The following VTI1B variants were observed in gnomAD, a reference collection of about 807,000 sequenced individuals.
The protein encoded by VTI1B is vesicle transport through interaction with t-SNAREs 1B, also known as vesicle transport through interaction with t-SNAREs homolog 1B.
VTI1B carries 18 observed loss-of-function variants against 28.6 expected under a neutral mutation model. The ratio of observed to expected loss-of-function variants is 0.63; its 90% CI spans 0.43 to 0.93. The LOEUF (loss-of-function observed/expected upper bound fraction) is 0.93. Among genes scored for constraint, VTI1B ranks in the 40% least tolerant of loss-of-function variants. VTI1B has a pLI of 0.00. For synonymous variants in VTI1B, 100 were observed against 107.9 expected (o/e 0.93, Z 0.46); for missense variants, 283 against 297.0 (o/e 0.95, Z 0.35).
intron 1 of VTI1B, 75 bp downstream of exon 1, chr14:67,674,300 G>A: frequency 7.4e-7 from 1 of 1,360,334 alleles, no homozygotes; most frequent in Non-Finnish European, 9.8e-7. Context: ...CCGGGTCTGG[G>A]AGGAAGGTGG....
intron 1 of VTI1B, among the ~76,000 whole-genome samples, chr14:67,671,211 T>G (rs1243130636): frequency 1.3e-5 from 2 of 152,192 alleles, no homozygotes; most frequent in African/African-American, 4.8e-5. Context: ...ATTAAACAAC[T>G]ATGTCTGTTA....
chr14:67,665,105 G>A (rs537185910), intron 1 of VTI1B, among the ~76,000 whole-genome samples: 3 of 152,236 alleles, frequency 2.0e-5, no homozygotes, highest in African/African-American at 4.8e-5. Flanking sequence ...CACCCATCTC[G>A]GCCTCCCAAA....
rs375019945 is a variant in VTI1B, at chr14:67,669,703, A to G, written c.115+4672T>C. 3.5e-4 allele frequency among the ~76,000 whole-genome samples: 54 copies of G among 152,300 alleles called. 3 individuals carry two copies. Among genetic ancestry groups the G allele is most frequent in the East Asian group, 3.5e-3 (18 of 5,194 alleles). ...CTTCTCCTCTTATGTTTCTTACTTA[A>G]GTTCATCATTCACCCAGTTGACCAA... is the stretch of plus-strand genomic sequence containing the variant. On this transcript the variant is annotated intron_variant, in intron 1 of 5. Coordinates refer to ENST00000554659, the MANE Select transcript of VTI1B (RefSeq NM_006370.3).
intron 5 of VTI1B, among the ~76,000 whole-genome samples, chr14:67,652,788 T>C (rs1162740346): frequency 6.6e-6 from 1 of 152,204 alleles, no homozygotes; most frequent in Non-Finnish European, 1.5e-5. Flanking sequence ...ATCAAGATTT[T>C]ACAAATATAT....
In VTI1B at chr14:67,648,037, T is replaced by C; in HGVS notation, c.*3348A>G. ...TATTTTAAGTATTATTTTATCCTCT[T>C]CCTTTTTAGGAGACAAAGACCAATC... On this transcript the variant is annotated 3_prime_UTR_variant, in exon 6 of 6. Transcript: ENST00000554659. 6.2e-7 allele frequency: 1 copy of C among 1,601,078 alleles called. No individual in the cohort carries two copies. The highest frequency in any genetic ancestry group is 8.5e-7 in the Non-Finnish European group (1 of 1,172,702).
rs1420934040 is a variant in VTI1B, at chr14:67,653,321, G to T, written c.602+116C>A. 3.9e-6 allele frequency: 3 copies of T among 768,228 alleles called. No homozygotes were observed. In the East Asian group the frequency reaches 7.9e-5, roughly 20 times the overall value. The allele number at this position is 768,228 out of a possible 1,614,324, so 47.6% of individuals were successfully genotyped here. On this transcript the variant is annotated intron_variant, in intron 5 of 5. Transcript: ENST00000554659. ...CTGCTGGGTGGTACTGAGTATACAG[G>T]GACTATGCGTCAACTGCTGAGGTGC...
At position 67,672,076 on chromosome 14, in the gene VTI1B, G is replaced by C. The variant is rs1027384530; in HGVS notation, c.115+2299C>G. On this transcript the variant is annotated intron_variant, in intron 1 of 5. Transcript: ENST00000554659. ...TTGCATTATTTAGACTTATAGAAAT[G>C]GGCATTGCAAAAATTAATTCAGTGC... is the stretch of plus-strand genomic sequence containing the variant. Among the ~76,000 whole-genome samples the C allele has an allele frequency of 1.4e-4, 22 of 151,882 alleles. 1 individual carries two copies. Among genetic ancestry groups the C allele is most frequent in the Admixed American group, 1.3e-3 (20 of 15,254 alleles).
At chr14:67,657,751 C>CTTTT (rs548633018) in intron 3 of VTI1B, among the ~76,000 whole-genome samples, 8 of 115,106 alleles carry the variant, frequency 7.0e-5, no homozygotes, top group South Asian at 2.8e-4. Context: ...TTCTTTCTTT[C>CTTTT]TTTTTTTTTT....
intron 1 of VTI1B, chr14:67,662,996 A>G (rs959714059): frequency 2.1e-6 from 3 of 1,406,282 alleles, no homozygotes; most frequent in East Asian, 2.6e-5. Context: ...TAACTCGTAC[A>G]CTACTTTTCT....
rs2037138382 is a variant in VTI1B at position 67,649,074 on chromosome 14, AGTG to A, written c.*2308_*2310del. On this transcript the variant is annotated 3_prime_UTR_variant, in exon 6 of 6. Transcript: ENST00000554659. Reference sequence around the variant, plus strand: ...CAGATCTGCAATCTTAGATGTTGCCAGTGGTCCTTAGGTTATTGGCCAGAGAAC... The same window carrying A: ...CAGATCTGCAATCTTAGATGTTGCCAGTCCTTAGGTTATTGGCCAGAGAAC... 6.6e-6 allele frequency: 1 copy of A among 152,222 alleles called. No individual in the cohort carries two copies. The allele number at this position is 152,222 out of a possible 1,614,324, so 9.4% of individuals were successfully genotyped here.
intron 4 of VTI1B, among the ~76,000 whole-genome samples, chr14:67,655,248 G>A (rs2037240418): frequency 6.6e-6 from 1 of 151,608 alleles, no homozygotes; most frequent in African/African-American, 2.4e-5. Flanking sequence ...GATCACTTGA[G>A]CCCAGGAGTT....
intron 2 of VTI1B, among the ~76,000 whole-genome samples, chr14:67,660,816 A>G (rs1253544197): frequency 6.6e-6 from 1 of 152,240 alleles, no homozygotes; most frequent in Non-Finnish European, 1.5e-5. Context: ...CTGAGCATCA[A>G]ACAAATCAGT....
chr14:67,656,092 A>G (rs535347071), intron 4 of VTI1B, among the ~76,000 whole-genome samples: 1 of 152,178 alleles, frequency 6.6e-6, no homozygotes, highest in African/African-American at 2.4e-5. Flanking sequence ...CTAAAAATAC[A>G]AACATTAGCT....
intron 4 of VTI1B, 125 bp downstream of exon 4, chr14:67,656,291 G>T: frequency 1.3e-5 from 11 of 859,748 alleles, no homozygotes; most frequent in Non-Finnish European, 1.5e-5. Flanking sequence ...AAAAGCATAA[G>T]AACTTAAAAA....
At position 67,650,657 on chromosome 14, in the gene VTI1B, C is replaced by G; in HGVS notation, c.*728G>C. 3 of 1,493,258 alleles carry G rather than the reference C, an allele frequency of 2.0e-6. No homozygotes were observed. The highest frequency in any genetic ancestry group is 1.7e-5 in the Admixed American group (1 of 59,774). 92.5% of individuals were successfully genotyped at this position (1,493,258 alleles called of 1,614,324 possible). On this transcript the variant is annotated 3_prime_UTR_variant, in exon 6 of 6. Coordinates refer to ENST00000554659, the MANE Select transcript of VTI1B (RefSeq NM_006370.3). ...TGTTCTCCCTGTCCCAGTGGGATGACCCTCACTGAGAGTAGCAGCAAGGGA... is the reference window on the plus strand; with the variant it reads ...TGTTCTCCCTGTCCCAGTGGGATGAGCCTCACTGAGAGTAGCAGCAAGGGA...
chr14:67,670,732 T>C (rs1225795833), intron 1 of VTI1B, among the ~76,000 whole-genome samples: 2 of 152,200 alleles, frequency 1.3e-5, no homozygotes, highest in Admixed American at 1.3e-4. Context: ...TTTCACCATG[T>C]TGACCAGGAT....
At position 67,651,457 on chromosome 14, in the gene VTI1B, A is replaced by T; in HGVS notation, c.627T>A (p.Leu209=). The change falls in exon 6 of 6, where the codon CTT becomes CTA. Residue 209 remains leucine (L), a synonymous_variant. Transcript: ENST00000554659. The part of the protein sequence containing the change: ...SRKVTTNKLL[L]SIIILLELAI... ...CGAGCTCCAGTAAGATGATAATGGA[A>T]AGCAGCAGCTTGTTGGTTGTCACTC... 7 of 1,613,918 alleles carry T rather than the reference A, an allele frequency of 4.3e-6. No individual in the cohort carries two copies. The highest frequency in any genetic ancestry group is 5.9e-6 in the Non-Finnish European group (7 of 1,179,798).
At chr14:67,664,078 T>C (rs1376737262) in intron 1 of VTI1B, among the ~76,000 whole-genome samples, 1 of 152,204 alleles carries the variant, frequency 6.6e-6, no homozygotes, top group African/African-American at 2.4e-5. Flanking sequence ...GTTACCATCA[T>C]TTACAATGTT....
At chr14:67,663,547 G>A (rs751760762) in intron 1 of VTI1B, among the ~76,000 whole-genome samples, 4 of 151,462 alleles carry the variant, frequency 2.6e-5, no homozygotes, top group Non-Finnish European at 3.0e-5. Context: ...GGTGGTGGGC[G>A]CCTGTATTCC....
Sources: gnomAD v4.1 joint callset for allele counts (sites outside exome capture counted in the v4.1 genomes callset) on GRCh38, gnomAD v4.1.1 for gene constraint, MANE v1.5 for transcripts, NCBI Gene and HGNC (gene_info 2026-07-23, HGNC 2026-07-21) for gene names.